Variants in PLCB1 observed in about 807,000 individuals in gnomAD.
PLCB1 encodes the protein phospholipase C beta 1.
PLCB1 carries 46 observed loss-of-function variants against 161.8 expected under a neutral mutation model. The ratio of observed to expected loss-of-function variants is 0.28; its 90% CI spans 0.22 to 0.36. The LOEUF is 0.36. Among genes scored for constraint, PLCB1 ranks in the 10% least tolerant of loss-of-function variants. The pLI, the probability that PLCB1 is intolerant of heterozygous loss-of-function variation, is 1.00. For synonymous variants in PLCB1, 517 were observed against 503.7 expected (o/e 1.03, Z -0.35); for missense variants, 1,016 against 1,472.5 (o/e 0.69, Z 5.07).
chr20:8,379,724 A>G (rs1280680036), intron 3 of PLCB1, among the ~76,000 whole-genome samples: 3 of 152,030 alleles, frequency 2.0e-5, no homozygotes, highest in East Asian at 3.9e-4. Flanking sequence ...TTTTTTTCAT[A>G]TGTTTCTTGG....
chr20:8,186,746 G>C (rs1050541735), intron 2 of PLCB1, among the ~76,000 whole-genome samples: 6 of 138,842 alleles, frequency 4.3e-5, no homozygotes, highest in Non-Finnish European at 8.2e-5. Context: ...GGAGGCAGCT[G>C]GGGGCAGCTG....
At chr20:8,785,748 A>G (rs1263620660) in intron 27 of PLCB1, among the ~76,000 whole-genome samples, 5 of 152,284 alleles carry the variant, frequency 3.3e-5, no homozygotes, top group South Asian at 2.1e-4. Context: ...CTTAGTCTCA[A>G]TATTGACTGG....
chr20:8,542,297 A>G (rs1985369141), intron 3 of PLCB1, among the ~76,000 whole-genome samples: 1 of 152,150 alleles, frequency 6.6e-6, no homozygotes, highest in African/African-American at 2.4e-5. Flanking sequence ...CTTCCTGAAC[A>G]CTAATAAAGG....
chr20:8,658,134 C>CT (rs1167110001), intron 8 of PLCB1, among the ~76,000 whole-genome samples: 2 of 152,020 alleles, frequency 1.3e-5, no homozygotes, highest in Non-Finnish European at 2.9e-5. Flanking sequence ...GGGTTGTTTA[C>CT]TTTAAGTAAT....
intron 4 of PLCB1, among the ~76,000 whole-genome samples, chr20:8,631,090 A>T (rs1024953269): frequency 6.6e-6 from 1 of 152,226 alleles, no homozygotes; most frequent in African/African-American, 2.4e-5. Context: ...CCAGAAACTT[A>T]AGATTTGCAA....
At chr20:8,706,094 G>A (rs1418000720) in intron 11 of PLCB1, among the ~76,000 whole-genome samples, 1 of 152,210 alleles carries the variant, frequency 6.6e-6, no homozygotes, top group East Asian at 1.9e-4. Context: ...TTCTCACACA[G>A]GTTAGATGTC....
At chr20:8,551,576 T>G (rs1297036753) in intron 3 of PLCB1, among the ~76,000 whole-genome samples, 1 of 152,132 alleles carries the variant, frequency 6.6e-6, no homozygotes, top group Non-Finnish European at 1.5e-5. Flanking sequence ...TAGACTGTCC[T>G]TTTGCATGCT....
At chr20:8,753,573 T>C (rs966701519) in intron 23 of PLCB1, among the ~76,000 whole-genome samples, 1 of 151,852 alleles carries the variant, frequency 6.6e-6, no homozygotes, top group African/African-American at 2.4e-5. Context: ...GCCCACCGAG[T>C]TCCCAGCACA....
intron 3 of PLCB1, among the ~76,000 whole-genome samples, chr20:8,606,441 TA>T (rs948188977): frequency 1.1e-4 from 16 of 151,420 alleles, no homozygotes; most frequent in East Asian, 1.9e-4. Context: ...AAAAAACTGA[TA>T]AAAAAAAATC....
chr20:8,467,703 T>G (rs1345040237), intron 3 of PLCB1, among the ~76,000 whole-genome samples: 2 of 152,146 alleles, frequency 1.3e-5, no homozygotes, highest in Non-Finnish European at 2.9e-5. Context: ...CATCCTTTTC[T>G]CCTTTTATCT....
chr20:8,655,152 G>A (rs534003410), intron 7 of PLCB1, among the ~76,000 whole-genome samples: 21 of 152,092 alleles, frequency 1.4e-4, no homozygotes, highest in African/African-American at 4.8e-4. Context: ...TTCATAGCTG[G>A]TACATAAACA....
intron 3 of PLCB1, among the ~76,000 whole-genome samples, chr20:8,400,505 A>G (rs1291371669): frequency 2.0e-5 from 3 of 152,204 alleles, no homozygotes; most frequent in Non-Finnish European, 2.9e-5. Context: ...GTAAATTACA[A>G]CTATTAAAGG....
At chr20:8,676,888 A>T (rs934084476) in intron 9 of PLCB1, among the ~76,000 whole-genome samples, 1 of 152,242 alleles carries the variant, frequency 6.6e-6, no homozygotes, top group Non-Finnish European at 1.5e-5. Context: ...AAGTATACAC[A>T]TATCATTAAT....
intron 3 of PLCB1, among the ~76,000 whole-genome samples, chr20:8,385,049 G>A (rs1987382798): frequency 6.6e-6 from 1 of 152,340 alleles, no homozygotes; most frequent in East Asian, 1.9e-4. Context: ...CACTTTGACT[G>A]TCACTTGGTG....
chr20:8,642,140 G>T (rs1257398777), intron 4 of PLCB1, among the ~76,000 whole-genome samples: 1 of 152,024 alleles, frequency 6.6e-6, no homozygotes, highest in Non-Finnish European at 1.5e-5. Context: ...CTTTTTGTTA[G>T]TTGGGTTTTT....
chr20:8,836,035 CCTGGCTGGCAGCTGA>C (rs76328312), intron 31 of PLCB1, among the ~76,000 whole-genome samples: 32,913 of 151,768 alleles, frequency 0.22, 4,246 homozygotes, highest in Middle Eastern at 0.32. Context: ...GTCTTACCTA[CCTGGCTGGCAGCTGA>C]CTGGCTGGCA....
intron 3 of PLCB1, among the ~76,000 whole-genome samples, chr20:8,526,991 C>G (rs2089537529): frequency 1.3e-5 from 2 of 152,100 alleles, no homozygotes; most frequent in Admixed American, 1.3e-4. Context: ...TTAGACTTTT[C>G]TCTGTTGACT....
chr20:8,236,860 C>T (rs4497934), intron 2 of PLCB1, among the ~76,000 whole-genome samples: 10,336 of 151,938 alleles, frequency 0.068, 1,144 homozygotes, highest in African/African-American at 0.23. Flanking sequence ...AATGCAAACA[C>T]AAATAGATAT....
chr20:8,566,425 G>A (rs1184060165), intron 3 of PLCB1, among the ~76,000 whole-genome samples: 2 of 152,142 alleles, frequency 1.3e-5, no homozygotes, highest in Admixed American at 6.6e-5. Context: ...GAACAGAGCT[G>A]AGAAATGAAG....
Sources: allele counts gnomAD v4.1 joint callset (sites outside exome capture counted in the v4.1 genomes callset), GRCh38; gene constraint gnomAD v4.1.1; transcripts MANE v1.5; gene names NCBI Gene and HGNC (gene_info 2026-07-23, HGNC 2026-07-21).